Variants in HTR1F observed in about 807,000 individuals in gnomAD.
The protein encoded by HTR1F is 5-hydroxytryptamine (serotonin) receptor 1F, G protein-coupled.
In HTR1F, 17 loss-of-function variants were observed where a neutral mutation model predicts 24.0. The ratio of observed to expected loss-of-function variants is 0.71; its 90% confidence interval spans 0.48 to 1.06. The LOEUF is 1.06. Among genes scored for constraint, HTR1F ranks in the 50% least tolerant of loss-of-function variants. HTR1F has a pLI of 0.00. For missense variants in HTR1F, 391 were observed against 427.8 expected (o/e 0.91, Z 0.76); for synonymous variants, 186 against 156.8 (o/e 1.19, Z -1.39).
intron 2 of HTR1F, among the ~76,000 whole-genome samples, chr3:87,943,315 C>T (rs1229066106): frequency 1.3e-5 from 2 of 152,222 alleles, no homozygotes; most frequent in East Asian, 3.8e-4. Flanking sequence ...CATTATATCT[C>T]TCCATGTCAG....
chr3:87,866,071 C>T (rs1190435809), intron 2 of HTR1F, among the ~76,000 whole-genome samples: 1 of 152,124 alleles, frequency 6.6e-6, no homozygotes, highest in African/African-American at 2.4e-5. Flanking sequence ...CTCCTTAACC[C>T]AGACATTTTC....
At chr3:87,875,428 C>G (rs545884687) in intron 2 of HTR1F, among the ~76,000 whole-genome samples, 21 of 151,050 alleles carry the variant, frequency 1.4e-4, no homozygotes, top group African/African-American at 4.9e-4. Flanking sequence ...CCAGCCTGAG[C>G]TACAGAACAA....
At chr3:87,894,158 G>A (rs550422277) in intron 2 of HTR1F, among the ~76,000 whole-genome samples, 4 of 152,232 alleles carry the variant, frequency 2.6e-5, no homozygotes, top group African/African-American at 2.4e-5. Context: ...CTGGATGGTA[G>A]TCTTTATCCC....
At chr3:87,933,303 A>T (rs1222629299) in intron 2 of HTR1F, among the ~76,000 whole-genome samples, 1 of 150,650 alleles carries the variant, frequency 6.6e-6, no homozygotes, top group Non-Finnish European at 1.5e-5. Context: ...CAAGACAGGG[A>T]TGCCCTCTCT....
At chr3:87,918,872 CA>C (rs1208485730) in intron 2 of HTR1F, among the ~76,000 whole-genome samples, 1 of 151,936 alleles carries the variant, frequency 6.6e-6, no homozygotes, top group African/African-American at 2.4e-5. Flanking sequence ...TAGAAAAAAA[CA>C]ATTCTAAAAT....
At chr3:87,959,552 C>T (rs1302048023) in intron 2 of HTR1F, among the ~76,000 whole-genome samples, 2 of 151,990 alleles carry the variant, frequency 1.3e-5, no homozygotes, top group Non-Finnish European at 2.9e-5. Flanking sequence ...TTGAAAAATA[C>T]TGTAGTTACA....
At chr3:87,928,293 G>T (rs1704176973) in intron 2 of HTR1F, among the ~76,000 whole-genome samples, 1 of 151,950 alleles carries the variant, frequency 6.6e-6, no homozygotes, top group Non-Finnish European at 1.5e-5. Flanking sequence ...TGATCCACCT[G>T]CCTTAGCCTC....
At chr3:87,942,467 G>A (rs1035797013) in intron 2 of HTR1F, among the ~76,000 whole-genome samples, 3 of 152,022 alleles carry the variant, frequency 2.0e-5, no homozygotes, top group Non-Finnish European at 4.4e-5. Flanking sequence ...CGCTTGCCCC[G>A]GGCACCCTCA....
chr3:87,931,591 A>G (rs1249603179), intron 2 of HTR1F, among the ~76,000 whole-genome samples: 8 of 152,160 alleles, frequency 5.3e-5, no homozygotes, highest in Admixed American at 5.2e-4. Flanking sequence ...ATCAAATGGT[A>G]TATCTAGTTC....
intron 2 of HTR1F, among the ~76,000 whole-genome samples, chr3:87,948,826 A>C (rs753826158): frequency 5.3e-5 from 8 of 152,178 alleles, no homozygotes; most frequent in Non-Finnish European, 1.2e-4. Context: ...AACTATTCTG[A>C]GAAGACTTAA....
intron 2 of HTR1F, among the ~76,000 whole-genome samples, chr3:87,863,885 G>T (rs1232634376): frequency 6.6e-6 from 1 of 152,152 alleles, no homozygotes; most frequent in African/African-American, 2.4e-5. Flanking sequence ...TTATCACTGG[G>T]CTAAAGCCAA....
At chr3:87,835,252 T>C (rs1448103539) in intron 2 of HTR1F, among the ~76,000 whole-genome samples, 1 of 151,994 alleles carries the variant, frequency 6.6e-6, no homozygotes, top group Non-Finnish European at 1.5e-5. Context: ...TGCCTGGCAA[T>C]GGCAAAGGAC....
At chr3:87,949,464 T>TAACG (rs1367105738) in intron 2 of HTR1F, among the ~76,000 whole-genome samples, 5 of 152,156 alleles carry the variant, frequency 3.3e-5, no homozygotes, top group African/African-American at 4.8e-5. Context: ...CAAATTTCCT[T>TAACG]CAAGTCTGAT....
intron 2 of HTR1F, among the ~76,000 whole-genome samples, chr3:87,978,105 G>A (rs1328364090): frequency 6.6e-6 from 1 of 152,180 alleles, no homozygotes; most frequent in Non-Finnish European, 1.5e-5. Context: ...ATAGGTGCCA[G>A]CTTCATGCAA....
chr3:87,952,891 A>T (rs192126700), intron 2 of HTR1F, among the ~76,000 whole-genome samples: 96 of 151,810 alleles, frequency 6.3e-4, no homozygotes, highest in African/African-American at 2.2e-3. Context: ...TCAGCCATAC[A>T]AGGACACATA....
intron 2 of HTR1F, among the ~76,000 whole-genome samples, chr3:87,830,844 G>A (rs571823228): frequency 6.6e-6 from 1 of 152,278 alleles, no homozygotes. Flanking sequence ...AGAAGTTCCT[G>A]GGTGAAAATC....
chr3:87,950,814 T>C (rs11926472), intron 2 of HTR1F, among the ~76,000 whole-genome samples: 40,381 of 151,984 alleles, frequency 0.27, 5,804 homozygotes, highest in African/African-American at 0.38. Context: ...ATGTCATTAC[T>C]GGTCAAGTGT....
intron 2 of HTR1F, among the ~76,000 whole-genome samples, chr3:87,866,212 TTAAAA>T (rs1409383032): frequency 6.6e-6 from 1 of 152,188 alleles, no homozygotes; most frequent in Non-Finnish European, 1.5e-5. Context: ...ACTAGAATAC[TTAAAA>T]TAAGGGACTC....
chr3:87,857,649 A>G (rs1199002769), intron 2 of HTR1F, among the ~76,000 whole-genome samples: 1 of 152,128 alleles, frequency 6.6e-6, no homozygotes, highest in Non-Finnish European at 1.5e-5. Context: ...GATTTCACAT[A>G]TATCCCCACA....
Sources: gnomAD v4.1 joint callset for allele counts (sites outside exome capture counted in the v4.1 genomes callset) on GRCh38, gnomAD v4.1.1 for gene constraint, MANE v1.5 for transcripts, NCBI Gene and HGNC (gene_info 2026-07-23, HGNC 2026-07-21) for gene names.